MBD5: variants seen among roughly 807,000 people sequenced by gnomAD.
The protein encoded by MBD5 is methyl-CpG-binding domain protein 5.
Under a neutral mutation model 117.3 loss-of-function variants are expected in MBD5, and 13 were observed. The observed-to-expected ratio is 0.11, with a 90% CI of 0.07 to 0.18. The LOEUF (loss-of-function observed/expected upper bound fraction) is 0.18, where lower values mean the gene tolerates loss of function less well. Ranked by LOEUF, MBD5 falls within the 10% of genes least tolerant of loss-of-function variation. The pLI, the probability that MBD5 is intolerant of heterozygous loss-of-function variation, is 1.00. For missense variants in MBD5, 1,879 were observed against 2,093.8 expected (o/e 0.90, Z 2.00); for synonymous variants, 727 against 766.4 (o/e 0.95, Z 0.85).
intron 1 of MBD5, among the ~76,000 whole-genome samples, chr2:148,065,286 A>G (rs12472459): frequency 0.31 from 46,820 of 151,958 alleles, 8,351 homozygotes; most frequent in East Asian, 0.46. Flanking sequence ...CCTGTCTTCA[A>G]ATAGCCTGGT....
intron 3 of MBD5, among the ~76,000 whole-genome samples, chr2:148,305,294 A>C (rs997506310): frequency 6.6e-6 from 1 of 152,176 alleles, no homozygotes; most frequent in African/African-American, 2.4e-5. Context: ...CCTGTTGTTC[A>C]AAGGAAAGAA....
At chr2:148,037,461 CAA>C (rs1694225675) in intron 1 of MBD5, among the ~76,000 whole-genome samples, 1 of 151,862 alleles carries the variant, frequency 6.6e-6, no homozygotes, top group South Asian at 2.1e-4. Flanking sequence ...TAAAAAATAT[CAA>C]GTTATATTTA....
At chr2:148,222,120 G>A (rs1699700037) in intron 2 of MBD5, among the ~76,000 whole-genome samples, 1 of 152,102 alleles carries the variant, frequency 6.6e-6, no homozygotes, top group African/African-American at 2.4e-5. Flanking sequence ...TGGTCTACAT[G>A]TGTGTTTTTA....
At chr2:148,284,640 G>C (rs1257612464) in intron 3 of MBD5, among the ~76,000 whole-genome samples, 5 of 152,118 alleles carry the variant, frequency 3.3e-5, no homozygotes, top group African/African-American at 1.2e-4. Context: ...GATGGGTCTT[G>C]TCTGTACTGC....
intron 2 of MBD5, among the ~76,000 whole-genome samples, chr2:148,222,915 C>T (rs1009685947): frequency 6.6e-6 from 1 of 151,912 alleles, no homozygotes. Context: ...AGTCTGTCAT[C>T]TATGGTTTTT....
At chr2:148,272,028 G>C (rs1350355731) in intron 3 of MBD5, among the ~76,000 whole-genome samples, 1 of 152,112 alleles carries the variant, frequency 6.6e-6, no homozygotes, top group Non-Finnish European at 1.5e-5. Flanking sequence ...ATGTAAATAA[G>C]ATCATGCAGT....
intron 2 of MBD5, among the ~76,000 whole-genome samples, chr2:148,189,121 C>A (rs1259533151): frequency 1.4e-5 from 2 of 145,138 alleles, no homozygotes; most frequent in African/African-American, 5.2e-5. Flanking sequence ...CACGGAATCT[C>A]GCTGATTGCT....
At chr2:148,242,538 C>T (rs185779876) in intron 3 of MBD5, among the ~76,000 whole-genome samples, 232 of 152,162 alleles carry the variant, frequency 1.5e-3, no homozygotes, top group Admixed American at 5.7e-3. Flanking sequence ...ACTGTTAGGT[C>T]GCCAGAAGAT....
At chr2:148,281,857 A>T (rs1701254793) in intron 3 of MBD5, among the ~76,000 whole-genome samples, 1 of 152,156 alleles carries the variant, frequency 6.6e-6, no homozygotes, top group Non-Finnish European at 1.5e-5. Flanking sequence ...ATCACATCTT[A>T]GTGCCATTTT....
chr2:148,051,604 AGTGTGT>A (rs59584574), intron 1 of MBD5, among the ~76,000 whole-genome samples: 6,905 of 139,200 alleles, frequency 0.05, 537 homozygotes, highest in African/African-American at 0.17. Flanking sequence ...CTGTTTGTTG[AGTGTGT>A]GTGTGTGTGT....
chr2:148,182,120 A>T (rs1468412711), intron 2 of MBD5, among the ~76,000 whole-genome samples: 1 of 152,068 alleles, frequency 6.6e-6, no homozygotes, highest in African/African-American at 2.4e-5. Flanking sequence ...ATGTCTCATC[A>T]TAAAGGAGGT....
chr2:148,148,499 G>A (rs948285810), intron 1 of MBD5, among the ~76,000 whole-genome samples: 5 of 152,140 alleles, frequency 3.3e-5, no homozygotes, highest in Admixed American at 6.6e-5. Flanking sequence ...CCAGAGTTCT[G>A]AAAAAGGTGA....
At chr2:148,447,125 AAAAG>A (rs1302369930) in intron 4 of MBD5, among the ~76,000 whole-genome samples, 38 of 140,908 alleles carry the variant, frequency 2.7e-4, no homozygotes, top group East Asian at 1.2e-3. Flanking sequence ...GAAAGAAAGA[AAAAG>A]AAAGAGAGAG....
chr2:148,421,926 C>A (rs1402316671), intron 4 of MBD5, among the ~76,000 whole-genome samples: 1 of 152,222 alleles, frequency 6.6e-6, no homozygotes, highest in Non-Finnish European at 1.5e-5. Flanking sequence ...AAGGCAGTAG[C>A]CCCAGTCAGG....
chr2:148,146,098 TAAC>T (rs761311322), intron 1 of MBD5, among the ~76,000 whole-genome samples: 5 of 152,324 alleles, frequency 3.3e-5, no homozygotes, highest in African/African-American at 7.2e-5. Context: ...GCAGAACATT[TAAC>T]AACAACAACA....
chr2:148,258,437 CA>C (rs1255544938), intron 3 of MBD5, among the ~76,000 whole-genome samples: 1 of 152,140 alleles, frequency 6.6e-6, no homozygotes, highest in Non-Finnish European at 1.5e-5. Flanking sequence ...CGGTATCCAC[CA>C]GTGCCAGCAC....
At chr2:148,062,837 T>G (rs1216607368) in intron 1 of MBD5, among the ~76,000 whole-genome samples, 1 of 152,166 alleles carries the variant, frequency 6.6e-6, no homozygotes, top group South Asian at 2.1e-4. Flanking sequence ...AGAAAGTTTC[T>G]TAAATGCATA....
chr2:148,101,047 T>C (rs1696201616), intron 1 of MBD5, among the ~76,000 whole-genome samples: 1 of 152,232 alleles, frequency 6.6e-6, no homozygotes, highest in Admixed American at 6.5e-5. Context: ...TAGTTTTAGC[T>C]TACCTGTTGG....
At chr2:148,212,109 T>G (rs1699438267) in intron 2 of MBD5, among the ~76,000 whole-genome samples, 1 of 152,170 alleles carries the variant, frequency 6.6e-6, no homozygotes, top group Admixed American at 6.5e-5. Context: ...TGTCATAAAG[T>G]TGAAAATTTT....
Sources: gnomAD v4.1 joint callset for allele counts (sites outside exome capture counted in the v4.1 genomes callset) on GRCh38, gnomAD v4.1.1 for gene constraint, MANE v1.5 for transcripts, NCBI Gene and HGNC (gene_info 2026-07-23, HGNC 2026-07-21) for gene names.